XRN2: variants seen among roughly 807,000 people sequenced by gnomAD.
The protein encoded by XRN2 is 5'-3' exoribonuclease 2.
In XRN2, 44 loss-of-function variants were observed where a neutral mutation model predicts 138.5. That is an observed-to-expected ratio of 0.32 (90% CI 0.25 to 0.41). The LOEUF (loss-of-function observed/expected upper bound fraction) is 0.41. Among genes scored for constraint, XRN2 ranks in the 10% least tolerant of loss-of-function variants. The pLI, the probability that XRN2 is intolerant of heterozygous loss-of-function variation, is 1.00. For missense variants in XRN2, 937 were observed against 1,169.3 expected (o/e 0.80, Z 2.90); for synonymous variants, 354 against 369.4 (o/e 0.96, Z 0.48).
intron 28 of XRN2, 52 bp from the exon 29 acceptor site, chr20:21,386,816 T>C: frequency 6.4e-7 from 1 of 1,566,488 alleles, no homozygotes; most frequent in Non-Finnish European, 8.7e-7. Flanking sequence ...TTTTAGGCTT[T>C]GTGCTGTATA....
intron 1 of XRN2, chr20:21,303,702 T>G (rs1600663476): frequency 7.9e-7 from 1 of 1,263,996 alleles, no homozygotes; most frequent in Non-Finnish European, 9.9e-7. Context: ...GCCTATAGGG[T>G]TCCGAACTCG....
At chr20:21,351,114 A>G (rs916121486) in intron 20 of XRN2, among the ~76,000 whole-genome samples, 4 of 152,228 alleles carry the variant, frequency 2.6e-5, no homozygotes, top group Non-Finnish European at 5.9e-5. Flanking sequence ...ATAATTAAAT[A>G]TATAAACATG....
chr20:21,326,693 G>A (rs992171896), intron 3 of XRN2, 92 bp downstream of exon 3: 1 of 994,450 alleles, frequency 1.0e-6, no homozygotes, highest in Non-Finnish European at 1.5e-6. Flanking sequence ...AATGAAAAAT[G>A]TTGACAGTGA....
At chr20:21,316,841 T>G (rs2037965877) in intron 1 of XRN2, among the ~76,000 whole-genome samples, 1 of 152,254 alleles carries the variant, frequency 6.6e-6, no homozygotes, top group African/African-American at 2.4e-5. Flanking sequence ...AAATTTCGTA[T>G]TTCTTTGTTA....
At chr20:21,326,074 CT>C in intron 1 of XRN2, among the ~76,000 whole-genome samples, 1 of 152,162 alleles carries the variant, frequency 6.6e-6, no homozygotes, top group Non-Finnish European at 1.5e-5. Context: ...TCAAAAATAA[CT>C]TGTGTTAGAA....
At chr20:21,319,877 A>G (rs1187044452) in intron 1 of XRN2, among the ~76,000 whole-genome samples, 1 of 152,192 alleles carries the variant, frequency 6.6e-6, no homozygotes, top group African/African-American at 2.4e-5. Context: ...CACATATATT[A>G]CATTCTGCCT....
At chr20:21,366,322 CAGATCATG>C (rs2038702423) in intron 26 of XRN2, among the ~76,000 whole-genome samples, 1 of 147,580 alleles carries the variant, frequency 6.8e-6, no homozygotes, top group African/African-American at 2.5e-5. Context: ...CTGAGGCAGG[CAGATCATG>C]AGATCAGGAG....
chr20:21,322,534 T>C (rs2038060641), intron 1 of XRN2, among the ~76,000 whole-genome samples: 1 of 152,142 alleles, frequency 6.6e-6, no homozygotes, highest in Non-Finnish European at 1.5e-5. Context: ...TGATTCATGG[T>C]TTTTCTAATG....
intron 1 of XRN2, among the ~76,000 whole-genome samples, chr20:21,312,397 G>C (rs1222959692): frequency 2.0e-5 from 3 of 151,708 alleles, no homozygotes; most frequent in Non-Finnish European, 4.4e-5. Flanking sequence ...CCCGGCCTTA[G>C]GTTGTGTTTT....
chr20:21,345,292 G>T (rs1215191792), intron 16 of XRN2, among the ~76,000 whole-genome samples: 1 of 152,126 alleles, frequency 6.6e-6, no homozygotes, highest in African/African-American at 2.4e-5. Flanking sequence ...GGAAATCATT[G>T]TTTAATCCTA....
At chr20:21,389,223 T>C (rs2038964386) in intron 29 of XRN2, 50 bp from the exon 30 acceptor site, 2 of 1,533,258 alleles carry the variant, frequency 1.3e-6, no homozygotes, top group Non-Finnish European at 8.9e-7. Flanking sequence ...TTAACTGACT[T>C]GCAGGAGTAT....
At chr20:21,325,716 A>G (rs566159188) in intron 1 of XRN2, among the ~76,000 whole-genome samples, 2 of 152,358 alleles carry the variant, frequency 1.3e-5, no homozygotes, top group African/African-American at 4.8e-5. Flanking sequence ...GCTCATTGAT[A>G]AACACCTGCT....
intron 27 of XRN2, among the ~76,000 whole-genome samples, chr20:21,369,688 A>T (rs1204858560): frequency 6.6e-6 from 1 of 152,204 alleles, no homozygotes; most frequent in Non-Finnish European, 1.5e-5. Context: ...GTCTATTCAG[A>T]TATTTTGCCC....
At chr20:21,355,991 G>T in intron 21 of XRN2, 89 bp from the exon 22 acceptor site, 1 of 828,784 alleles carries the variant, frequency 1.2e-6, no homozygotes. Context: ...TTAACACTTA[G>T]ATGCTTTCCC....
At chr20:21,345,455 T>C (rs1206809610) in intron 16 of XRN2, among the ~76,000 whole-genome samples, 1 of 152,180 alleles carries the variant, frequency 6.6e-6, no homozygotes, top group Non-Finnish European at 1.5e-5. Context: ...AGATTAAAAT[T>C]GATATGGTAT....
In XRN2 at chr20:21,348,399, C is replaced by T; in HGVS notation, c.1832C>T (p.Pro611Leu). Reference sequence around the variant, plus strand: ...CCAGCTGCAAGTGGTAATTTTCTACCTCCATCATGGCGGAAGCTCATGAGT... The same window carrying T: ...CCAGCTGCAAGTGGTAATTTTCTACTTCCATCATGGCGGAAGCTCATGAGT... ...VFPAASGNFL[P>L]PSWRKLMSDP... The change falls in exon 19 of 30, where the codon CCT becomes CTT. Residue 611 changes from proline (P) to leucine (L), a missense_variant. Pro to Leu is a moderately conservative substitution (Grantham distance 98). This residue lies in a region of XRN2 where 372 missense variants were observed against 414.4 expected (regional missense o/e 0.90). Transcript: ENST00000377191. 1.2e-6 allele frequency: 2 copies of T among 1,614,012 alleles called. No homozygotes were observed. The highest frequency in any genetic ancestry group is 1.7e-6 in the Non-Finnish European group (2 of 1,179,994).
intron 3 of XRN2, 39 bp downstream of exon 3, chr20:21,326,640 T>C (rs2122201473): frequency 1.9e-6 from 3 of 1,539,348 alleles, no homozygotes. Flanking sequence ...ATTTTGTTTT[T>C]TTTTGCTGTG....
intron 24 of XRN2, among the ~76,000 whole-genome samples, chr20:21,358,707 AC>A (rs1427169176): frequency 6.6e-6 from 1 of 152,196 alleles, no homozygotes; most frequent in Non-Finnish European, 1.5e-5. Context: ...TTTAAAGAAA[AC>A]TACTGTGAAT....
intron 1 of XRN2, among the ~76,000 whole-genome samples, chr20:21,305,042 A>G (rs545542629): frequency 5.3e-5 from 8 of 151,984 alleles, no homozygotes; most frequent in Admixed American, 6.5e-5. Flanking sequence ...TCCACTTTAC[A>G]TCTTGCCGCG....
Sources: allele counts gnomAD v4.1 joint callset (sites outside exome capture counted in the v4.1 genomes callset), GRCh38; gene constraint gnomAD v4.1.1; regional missense constraint gnomAD v4.1.1; transcripts MANE v1.5; gene names NCBI Gene and HGNC (gene_info 2026-07-23, HGNC 2026-07-21).